The following TSPAN14 variants were observed in gnomAD, a reference collection of about 807,000 sequenced individuals.
TSPAN14 encodes tetraspanin-14.
A neutral mutation model predicts 36.6 loss-of-function variants in TSPAN14; 16 were observed. That is an observed-to-expected ratio of 0.44 (90% CI 0.30 to 0.66). The LOEUF (loss-of-function observed/expected upper bound fraction) is 0.66, where lower values mean the gene tolerates loss of function less well. TSPAN14 is among the 30% of genes least tolerant of loss of function. The pLI, the probability that TSPAN14 is intolerant of heterozygous loss-of-function variation, is 0.12. For synonymous variants in TSPAN14, 139 were observed against 143.8 expected (o/e 0.97, Z 0.24); for missense variants, 231 against 355.1 (o/e 0.65, Z 2.81).
intron 2 of TSPAN14, among the ~76,000 whole-genome samples, chr10:80,494,123 C>G (rs1848064962): frequency 6.6e-6 from 1 of 152,176 alleles, no homozygotes. Flanking sequence ...CTTTGCTTGC[C>G]TTTAGTTTAA....
intron 1 of TSPAN14, among the ~76,000 whole-genome samples, chr10:80,477,388 A>C (rs973172456): frequency 6.6e-6 from 1 of 152,248 alleles, no homozygotes; most frequent in Non-Finnish European, 1.5e-5. Flanking sequence ...TCTGGGTAAA[A>C]AATAGTGGTT....
chr10:80,514,559 C>A (rs1840830177), intron 7 of TSPAN14, among the ~76,000 whole-genome samples: 1 of 152,034 alleles, frequency 6.6e-6, no homozygotes, highest in Non-Finnish European at 1.5e-5. Flanking sequence ...AGAAGGAAGA[C>A]CCCACCCCAC....
exon 9 of TSPAN14, chr10:80,518,399 C>A (rs1457364033): frequency 4.7e-6 from 1 of 210,690 alleles, no homozygotes; most frequent in East Asian, 1.1e-4. Context: ...GGTAGAGGGA[C>A]CCACAGGCGT....
intron 1 of TSPAN14, among the ~76,000 whole-genome samples, chr10:80,462,035 T>G (rs1846000491): frequency 6.6e-6 from 1 of 151,946 alleles, no homozygotes; most frequent in Non-Finnish European, 1.5e-5. Flanking sequence ...CGCCTCAGCC[T>G]CCTGAGTAGC....
chr10:80,502,923 A>T (rs552225536), intron 2 of TSPAN14, among the ~76,000 whole-genome samples: 2 of 151,904 alleles, frequency 1.3e-5, no homozygotes, highest in East Asian at 3.9e-4. Flanking sequence ...CTGAAGGAGG[A>T]GGAGGAGGAA....
chr10:80,486,030 G>T (rs529853632), intron 1 of TSPAN14, among the ~76,000 whole-genome samples: 20 of 152,230 alleles, frequency 1.3e-4, no homozygotes, highest in Non-Finnish European at 2.1e-4. Flanking sequence ...TAGTTATTCC[G>T]CAGTGTGGCC....
chr10:80,485,558 G>A (rs990497166), intron 1 of TSPAN14: 2 of 867,714 alleles, frequency 2.3e-6, no homozygotes, highest in Admixed American at 6.2e-5. Context: ...GTAGGAGGAT[G>A]TGGCTTAGGC....
In TSPAN14 at chr10:80,500,314, C is replaced by CTTTT. The variant is rs144759161; in HGVS notation, c.82-4385_82-4382dup. Among the ~76,000 whole-genome samples the CTTTT allele has an allele frequency of 2.2e-3, 107 of 47,890 alleles. 6 individuals are homozygous for CTTTT. The highest frequency in any genetic ancestry group is 3.0e-3 in the Non-Finnish European group (84 of 27,944). The allele number at this position is 47,890 out of a possible 152,430, so 31.4% of individuals were successfully genotyped here. On this transcript the variant is annotated intron_variant, in intron 2 of 8. Coordinates refer to ENST00000429989, the Ensembl canonical transcript of TSPAN14. The stretch of plus-strand genomic sequence containing the variant: ...AATGAAAACAACACAAGGCCTTATT[C>CTTTT]TTTTTTTTTTTTTTTTTTTTTTTTT...
chr10:80,507,632 G>A (rs1419157289), intron 4 of TSPAN14, among the ~76,000 whole-genome samples: 1 of 152,164 alleles, frequency 6.6e-6, no homozygotes, highest in Non-Finnish European at 1.5e-5. Flanking sequence ...TCTACTCCCC[G>A]CTCCTTTGCC....
At chr10:80,468,016 A>G (rs1181369864) in intron 1 of TSPAN14, among the ~76,000 whole-genome samples, 1 of 152,228 alleles carries the variant, frequency 6.6e-6, no homozygotes, top group Non-Finnish European at 1.5e-5. Context: ...TGAAAACAAT[A>G]TCCCCATTCC....
At chr10:80,488,939 A>G (rs905605785) in intron 1 of TSPAN14, among the ~76,000 whole-genome samples, 2 of 152,228 alleles carry the variant, frequency 1.3e-5, no homozygotes, top group Non-Finnish European at 2.9e-5. Context: ...ATATTTGGGA[A>G]GGCTCCAAGC....
intron 1 of TSPAN14, among the ~76,000 whole-genome samples, chr10:80,477,959 A>G (rs1167771733): frequency 2.0e-5 from 3 of 152,212 alleles, no homozygotes; most frequent in Non-Finnish European, 4.4e-5. Flanking sequence ...AAATGGCCCA[A>G]CCAGATCATC....
chr10:80,491,280 A>C (rs542134777), intron 2 of TSPAN14, among the ~76,000 whole-genome samples: 1 of 152,188 alleles, frequency 6.6e-6, no homozygotes, highest in African/African-American at 2.4e-5. Flanking sequence ...GCGGGAGTCC[A>C]TGCTCCATCC....
Position 80,514,015 on chromosome 10 carries a change from G to T in TSPAN14, c.577-4G>T, listed in dbSNP as rs1198028875. 2 of 1,613,598 alleles carry T rather than the reference G, an allele frequency of 1.2e-6. No individual in the cohort carries two copies. The highest frequency in any genetic ancestry group is 1.7e-6 in the Non-Finnish European group (2 of 1,179,760). ...AGCAACTAATTTTTCTGCTTTTCTT[G>T]CAGCAAAAAGTTGTGAACACACAGT... On this transcript the variant is annotated splice_polypyrimidine_tract_variant and splice_region_variant and intron_variant, in intron 6 of 8. Coordinates refer to ENST00000429989, the Ensembl canonical transcript of TSPAN14.
chr10:80,492,020 G>C (rs1847945713), intron 2 of TSPAN14, among the ~76,000 whole-genome samples: 1 of 152,148 alleles, frequency 6.6e-6, no homozygotes, highest in Non-Finnish European at 1.5e-5. Flanking sequence ...GGTGTAGCAG[G>C]AGGGTGCCGG....
At chr10:80,480,839 G>A (rs1005727292) in intron 1 of TSPAN14, among the ~76,000 whole-genome samples, 1 of 152,122 alleles carries the variant, frequency 6.6e-6, no homozygotes, top group African/African-American at 2.4e-5. Context: ...TAAATGACGA[G>A]TTAATGGGTG....
chr10:80,504,830 C>A (rs768863717), intron 3 of TSPAN14, 52 bp downstream of exon 3: 3 of 1,593,840 alleles, frequency 1.9e-6, no homozygotes, highest in African/African-American at 2.7e-5. Flanking sequence ...AAACCAGATT[C>A]GTTGGACTTC....
intron 1 of TSPAN14, among the ~76,000 whole-genome samples, chr10:80,483,058 T>G (rs1050580829): frequency 1.3e-5 from 2 of 151,986 alleles, no homozygotes; most frequent in Non-Finnish European, 2.9e-5. Context: ...TTCACACTTA[T>G]GAATTGTTGA....
At chr10:80,470,259 A>G (rs915556788) in intron 1 of TSPAN14, among the ~76,000 whole-genome samples, 3 of 151,904 alleles carry the variant, frequency 2.0e-5, no homozygotes, top group African/African-American at 4.8e-5. Flanking sequence ...TAATTTTTCT[A>G]TTTTTGTTAG....
Sources: allele counts gnomAD v4.1 joint callset (sites outside exome capture counted in the v4.1 genomes callset), GRCh38; gene constraint gnomAD v4.1.1; transcripts MANE v1.5; gene names NCBI Gene and HGNC (gene_info 2026-07-23, HGNC 2026-07-21).